Variants in DMD observed in about 807,000 individuals in gnomAD.
DMD encodes mutant dystrophin.
Under a neutral mutation model 330.1 loss-of-function variants are expected in DMD, and 63 were observed. The observed-to-expected ratio is 0.19, with a 90% CI of 0.16 to 0.24. The LOEUF (loss-of-function observed/expected upper bound fraction) is 0.24. Among genes scored for constraint, DMD ranks in the 10% least tolerant of loss-of-function variants. DMD has a pLI of 1.00. For synonymous variants in DMD, 1,223 were observed against 959.8 expected (o/e 1.27, Z -5.07); for missense variants, 3,344 against 2,684.1 (o/e 1.25, Z -5.43).
At chrX:31,196,069 A>AT (rs1196097332) in intron 67 of DMD, among the ~76,000 whole-genome samples, 1 of 112,241 alleles carries the variant, frequency 8.9e-6, no homozygotes, top group Non-Finnish European at 1.9e-5. Flanking sequence ...CAAACAAACC[A>AT]CTTAAACAGA....
chrX:33,196,086 G>A (rs2050917450), intron 1 of DMD, among the ~76,000 whole-genome samples: 1 of 110,706 alleles, frequency 9.0e-6, no homozygotes, highest in African/African-American at 3.3e-5. Flanking sequence ...TTCTGACCTA[G>A]GGTAGTAAGG....
At chrX:32,213,997 G>T (rs2097103148) in intron 44 of DMD, among the ~76,000 whole-genome samples, 1 of 110,495 alleles carries the variant, frequency 9.1e-6, no homozygotes, top group South Asian at 3.8e-4. Context: ...CAATTGAGGG[G>T]AAAAGTTTTG....
chrX:32,199,822 G>A (rs922906756), intron 44 of DMD, among the ~76,000 whole-genome samples: 4 of 101,491 alleles, frequency 3.9e-5, no homozygotes, highest in Non-Finnish European at 7.9e-5. Flanking sequence ...GTGTGTGTGT[G>A]TGTGTATTTT....
chrX:31,637,370 T>G (rs770842216), intron 54 of DMD, among the ~76,000 whole-genome samples: 1 of 112,187 alleles, frequency 8.9e-6, no homozygotes, highest in South Asian at 3.7e-4. Flanking sequence ...GATGGCCTTT[T>G]ATAAGATCAA....
rs751444182 is a variant in DMD at position 33,264,350 on chromosome X, T to G, written c.7+74909A>C. On this transcript the variant is annotated intron_variant, in intron 1 of 17. Transcript: ENST00000288447. ...TAGAATGACTCTCAGCCTAGGGTGG[T>G]GTGTCATAAGATTAGAAAGATGTGT... is the stretch of plus-strand genomic sequence containing the variant. 1.6e-4 allele frequency among the ~76,000 whole-genome samples: 18 copies of G among 111,372 alleles called. No homozygotes were observed. In the South Asian group the frequency reaches 5.6e-3, roughly 35 times the overall value.
intron 47 of DMD, among the ~76,000 whole-genome samples, chrX:31,901,793 C>A (rs1464583805): frequency 1.8e-5 from 2 of 111,181 alleles, no homozygotes; most frequent in Non-Finnish European, 3.8e-5. Context: ...ATCCTAGTGA[C>A]TTTTACCGTT....
chrX:32,203,235 A>G (rs760926758), intron 44 of DMD, among the ~76,000 whole-genome samples: 150 of 112,517 alleles, frequency 1.3e-3, no homozygotes, highest in Non-Finnish European at 2.3e-3. Context: ...ATGCTATATC[A>G]TAACTTTGAG....
At chrX:31,832,155 G>A (rs746812302) in intron 49 of DMD, among the ~76,000 whole-genome samples, 3 of 111,797 alleles carry the variant, frequency 2.7e-5, no homozygotes, top group Admixed American at 9.5e-5. Context: ...GAGATTGTAC[G>A]CATGGCAGAT....
chrX:32,638,987 G>T (rs1175344611), intron 11 of DMD, among the ~76,000 whole-genome samples: 1 of 111,206 alleles, frequency 9.0e-6, no homozygotes, highest in Admixed American at 9.6e-5. Context: ...CCATATTATG[G>T]CTTGTGTATC....
chrX:32,217,182 A>AT (rs2097115486), intron 43 of DMD, 119 bp from the exon 44 acceptor site: 3 of 690,059 alleles, frequency 4.3e-6, no homozygotes, highest in Admixed American at 3.0e-5. Flanking sequence ...AGTTTCCTGC[A>AT]TTTGCAGAGT....
chrX:32,327,743 T>C (rs2097658503), intron 41 of DMD, among the ~76,000 whole-genome samples: 1 of 111,244 alleles, frequency 9.0e-6, no homozygotes, highest in African/African-American at 3.3e-5. Context: ...AAAATTGTTC[T>C]ATTCTGTCCA....
At chrX:33,100,145 G>A (rs2148366768) in intron 1 of DMD, among the ~76,000 whole-genome samples, 1 of 111,435 alleles carries the variant, frequency 9.0e-6, no homozygotes, top group South Asian at 3.7e-4. Context: ...TAAAATGACT[G>A]GACTATTCTT....
At chrX:32,454,416 G>A (rs1949337068) in intron 26 of DMD, among the ~76,000 whole-genome samples, 1 of 110,206 alleles carries the variant, frequency 9.1e-6, no homozygotes, top group Non-Finnish European at 1.9e-5. Context: ...TGATTTCAAG[G>A]GAAAATTGTT....
chrX:31,993,154 GAATATAGGT>G (rs2095561869), intron 44 of DMD, among the ~76,000 whole-genome samples: 1 of 111,334 alleles, frequency 9.0e-6, no homozygotes, highest in African/African-American at 3.3e-5. Context: ...ACAGGTTGGG[GAATATAGGT>G]AATTAAATGT....
chrX:32,982,506 TG>T (rs1394344126), intron 2 of DMD, among the ~76,000 whole-genome samples: 1 of 111,964 alleles, frequency 8.9e-6, no homozygotes, highest in Non-Finnish European at 1.9e-5. Context: ...TAGGAACTTC[TG>T]GTAAGGGTAA....
chrX:32,421,377 G>C (rs1253893056), intron 29 of DMD, among the ~76,000 whole-genome samples: 1 of 111,892 alleles, frequency 8.9e-6, no homozygotes, highest in African/African-American at 3.2e-5. Context: ...AGGATCTTTG[G>C]CTCTGATATG....
At chrX:32,472,621 A>G (rs2040778517) in intron 21 of DMD, among the ~76,000 whole-genome samples, 1 of 111,022 alleles carries the variant, frequency 9.0e-6, no homozygotes, top group East Asian at 2.8e-4. Flanking sequence ...GAAGCTAAGT[A>G]AATTGCCCAA....
At chrX:31,927,547 AT>A (rs2094795873) in intron 47 of DMD, among the ~76,000 whole-genome samples, 1 of 111,698 alleles carries the variant, frequency 9.0e-6, no homozygotes, top group Admixed American at 9.6e-5. Context: ...TAGCTATAAA[AT>A]TTAATTGCTG....
At chrX:32,186,169 TTTG>T (rs1048342275) in intron 44 of DMD, among the ~76,000 whole-genome samples, 12 of 110,760 alleles carry the variant, frequency 1.1e-4, no homozygotes, top group Non-Finnish European at 1.9e-4. Flanking sequence ...TCACACTGGT[TTTG>T]TTATTATTGT....
Sources: gnomAD v4.1 joint callset for allele counts (sites outside exome capture counted in the v4.1 genomes callset) on GRCh38, gnomAD v4.1.1 for gene constraint, MANE v1.5 for transcripts, NCBI Gene and HGNC (gene_info 2026-07-23, HGNC 2026-07-21) for gene names.